RBFOX1: variants seen among roughly 807,000 people sequenced by gnomAD.
RBFOX1 encodes the protein RNA binding protein fox-1 homolog 1.
A neutral mutation model predicts 57.7 loss-of-function variants in RBFOX1; 8 were observed. The observed-to-expected ratio is 0.14, with a 90% CI of 0.08 to 0.25. The LOEUF (loss-of-function observed/expected upper bound fraction) is 0.25, where lower values mean the gene tolerates loss of function less well. RBFOX1 is among the 10% of genes least tolerant of loss of function. RBFOX1 has a pLI of 1.00. For synonymous variants in RBFOX1, 326 were observed against 222.4 expected (o/e 1.47, Z -4.15); for missense variants, 611 against 548.5 (o/e 1.11, Z -1.14).
intron 1 of RBFOX1, among the ~76,000 whole-genome samples, chr16:5,316,898 A>G (rs9931192): frequency 6.6e-6 from 1 of 152,014 alleles, no homozygotes; most frequent in African/African-American, 2.4e-5. Flanking sequence ...GGGTGGGCAG[A>G]GTCCAATTGG....
intron 2 of RBFOX1, among the ~76,000 whole-genome samples, chr16:6,482,859 G>A (rs979823713): frequency 6.6e-6 from 1 of 152,230 alleles, no homozygotes; most frequent in East Asian, 1.9e-4. Flanking sequence ...AATAATGCAG[G>A]AGTAGCGTAA....
At chr16:7,200,079 T>C (rs1175607261) in intron 4 of RBFOX1, among the ~76,000 whole-genome samples, 1 of 152,214 alleles carries the variant, frequency 6.6e-6, no homozygotes, top group Non-Finnish European at 1.5e-5. Context: ...ATACTAGTCA[T>C]AATACATAAT....
chr16:5,730,449 C>T (rs1185240360), intron 3 of RBFOX1, among the ~76,000 whole-genome samples: 1 of 152,168 alleles, frequency 6.6e-6, no homozygotes, highest in African/African-American at 2.4e-5. Flanking sequence ...TCTGGCTGCG[C>T]ACACACACTG....
At chr16:5,557,540 A>T (rs1195146349) in intron 2 of RBFOX1, among the ~76,000 whole-genome samples, 1 of 152,188 alleles carries the variant, frequency 6.6e-6, no homozygotes, top group Non-Finnish European at 1.5e-5. Flanking sequence ...GGGAGCAGGG[A>T]TCACTCCAGG....
intron 4 of RBFOX1, among the ~76,000 whole-genome samples, chr16:7,203,178 A>G (rs569589985): frequency 2.6e-5 from 4 of 152,330 alleles, no homozygotes; most frequent in African/African-American, 9.6e-5. Context: ...AAAATGTGAT[A>G]CTCACACACG....
chr16:6,178,103 G>C (rs1362518877), intron 1 of RBFOX1, among the ~76,000 whole-genome samples: 4 of 150,616 alleles, frequency 2.7e-5, no homozygotes, highest in Middle Eastern at 3.2e-3. Flanking sequence ...AGGAAGAGTA[G>C]TGTGAATATT....
intron 3 of RBFOX1, among the ~76,000 whole-genome samples, chr16:6,895,109 C>T (rs1286585631): frequency 3.3e-5 from 5 of 152,000 alleles, no homozygotes; most frequent in East Asian, 1.9e-4. Context: ...AAGTCTGGTC[C>T]TCTTTTCCAT....
chr16:6,915,700 A>G (rs563640650), intron 3 of RBFOX1, among the ~76,000 whole-genome samples: 31 of 151,862 alleles, frequency 2.0e-4, no homozygotes, highest in African/African-American at 7.5e-4. Flanking sequence ...ACAGGTGCGC[A>G]CCACCATGCC....
chr16:6,285,702 A>T (rs141334815), intron 1 of RBFOX1, among the ~76,000 whole-genome samples: 1 of 152,036 alleles, frequency 6.6e-6, no homozygotes, highest in Admixed American at 6.6e-5. Flanking sequence ...ATATCCTGCA[A>T]CCTCCATGGC....
intron 3 of RBFOX1, among the ~76,000 whole-genome samples, chr16:7,035,803 G>T (rs1202942156): frequency 3.9e-5 from 6 of 151,978 alleles, no homozygotes. Context: ...TAAGTTGGGG[G>T]TTTTAAGAGT....
intron 3 of RBFOX1, among the ~76,000 whole-genome samples, chr16:5,738,359 C>T (rs11642191): frequency 0.27 from 41,264 of 151,298 alleles, 6,104 homozygotes; most frequent in East Asian, 0.56. Context: ...AGCCCAGGTG[C>T]GGTGGCTCAT....
At chr16:5,539,095 C>T (rs1369092949) in intron 2 of RBFOX1, among the ~76,000 whole-genome samples, 1 of 152,156 alleles carries the variant, frequency 6.6e-6, no homozygotes, top group Non-Finnish European at 1.5e-5. Context: ...CTTTCAGACT[C>T]TCTTGTGTCT....
intron 4 of RBFOX1, among the ~76,000 whole-genome samples, chr16:7,089,349 CAGT>C (rs1567214784): frequency 1.3e-5 from 2 of 151,988 alleles, no homozygotes; most frequent in African/African-American, 4.8e-5. Flanking sequence ...TTATTTTTGA[CAGT>C]GGAGGTTGAA....
chr16:6,672,511 A>C (rs1277222430), intron 3 of RBFOX1, among the ~76,000 whole-genome samples: 2 of 151,942 alleles, frequency 1.3e-5, no homozygotes, highest in Non-Finnish European at 2.9e-5. Context: ...AAAGGAAGGA[A>C]GATGGGAGAA....
intron 3 of RBFOX1, among the ~76,000 whole-genome samples, chr16:5,732,404 A>G (rs1278718483): frequency 2.6e-5 from 4 of 152,222 alleles, no homozygotes; most frequent in Non-Finnish European, 5.9e-5. Context: ...ACTCAGGAGC[A>G]AGAAAGCTTA....
At chr16:6,999,796 G>A (rs2092625847) in intron 3 of RBFOX1, among the ~76,000 whole-genome samples, 1 of 152,108 alleles carries the variant, frequency 6.6e-6, no homozygotes, top group Non-Finnish European at 1.5e-5. Context: ...AATAGGCCAG[G>A]CATGTTGGCT....
At position 5,477,347 on chromosome 16, in the gene RBFOX1, G is replaced by C. The variant is rs770835263; in HGVS notation, c.258+10093G>C. The stretch of plus-strand genomic sequence containing the variant: ...ACGTTGGCAGATGGATGATGGTGAT[G>C]GTGCTGGGGAAGGAGGTAATGATTT... On this transcript the variant is annotated intron_variant, in intron 2 of 2. Coordinates refer to the RBFOX1 transcript ENST00000585867. Among the ~76,000 whole-genome samples, 53 of 152,280 alleles carry C rather than the reference G, an allele frequency of 3.5e-4. 1 individual carries two copies. Among genetic ancestry groups the C allele is most frequent in the Non-Finnish European group, 6.3e-4 (43 of 68,026 alleles).
chr16:5,620,891 A>G (rs1328748260), intron 3 of RBFOX1, among the ~76,000 whole-genome samples: 1 of 152,104 alleles, frequency 6.6e-6, no homozygotes, highest in Non-Finnish European at 1.5e-5. Context: ...CCCAGGCTGG[A>G]GTGCAGGAGT....
At chr16:7,058,455 T>C (rs533189042) in intron 4 of RBFOX1, among the ~76,000 whole-genome samples, 1 of 152,206 alleles carries the variant, frequency 6.6e-6, no homozygotes, top group Non-Finnish European at 1.5e-5. Context: ...CCTACTGAGA[T>C]AAAATCTAGA....
Sources: allele counts gnomAD v4.1 joint callset (sites outside exome capture counted in the v4.1 genomes callset), GRCh38; gene constraint gnomAD v4.1.1; transcripts MANE v1.5; gene names NCBI Gene and HGNC (gene_info 2026-07-23, HGNC 2026-07-21).